Variants in DCSTAMP observed in about 807,000 individuals in gnomAD.
The protein encoded by DCSTAMP is dendrocyte expressed seven transmembrane protein.
A neutral mutation model predicts 33.8 loss-of-function variants in DCSTAMP; 25 were observed. That is an observed-to-expected ratio of 0.74 (90% CI 0.54 to 1.03). The LOEUF is 1.03. DCSTAMP is among the 50% of genes least tolerant of loss of function. The pLI, the probability that DCSTAMP is intolerant of heterozygous loss-of-function variation, is 0.00. For missense variants in DCSTAMP, 531 were observed against 556.8 expected (o/e 0.95, Z 0.47); for synonymous variants, 245 against 216.7 (o/e 1.13, Z -1.15).
chr8:104,349,304 T>C lies in DCSTAMP; in HGVS notation c.752T>C (p.Phe251Ser), dbSNP rs79659609. 1 of 1,614,150 alleles carries C rather than the reference T, an allele frequency of 6.2e-7. No homozygotes were observed. Among genetic ancestry groups the C allele is most frequent in the East Asian group, 2.2e-5 (1 of 44,866 alleles). The change falls in exon 2 of 4, where the codon TTT (phenylalanine) becomes TCT (serine). Residue 251 changes from phenylalanine (F) to serine (S), a missense_variant. Coordinates refer to ENST00000297581, the MANE Select transcript of DCSTAMP (RefSeq NM_030788.4). ...KYENIYITRQ[F>S]VQFDERERHQ... The stretch of plus-strand genomic sequence containing the variant: ...GAAAACATCTACATCACCAGACAAT[T>C]TGTTCAGTTTGATGAAAGGGAGAGA...
chr8:104,343,630 A>T (rs1191452853), intron 1 of DCSTAMP, among the ~76,000 whole-genome samples: 1 of 152,244 alleles, frequency 6.6e-6, no homozygotes, highest in Non-Finnish European at 1.5e-5. Context: ...AGGAAAATGT[A>T]ACTGCCTCAC....
rs760055630 is a variant in DCSTAMP, at chr8:104,349,379, A to G, written c.827A>G (p.Lys276Arg). The change falls in exon 2 of 4, where the codon AAG becomes AGG. Residue 276 changes from lysine to arginine, a missense_variant. By Grantham distance (26) the Lys-to-Arg change is conservative. Coordinates refer to ENST00000297581, the MANE Select transcript of DCSTAMP (RefSeq NM_030788.4). ...CCGCTGAATAAGGAGGAAAGGAGGA[A>G]GTATGTCATCATCCCGACTTTCTGG... ...VLPLNKEERR[K>R]YVIIPTFWPT... 1.9e-6 allele frequency: 3 copies of G among 1,614,094 alleles called. No individual in the cohort carries two copies. Among genetic ancestry groups the G allele is most frequent in the Non-Finnish European group, 2.5e-6 (3 of 1,180,054 alleles).
chr8:104,352,266 C>CT (rs1332045676), intron 2 of DCSTAMP, among the ~76,000 whole-genome samples: 3 of 152,344 alleles, frequency 2.0e-5, no homozygotes, highest in Non-Finnish European at 4.4e-5. Flanking sequence ...GCCTGGGCTG[C>CT]TTCTCAGAGT....
At position 104,356,339 on chromosome 8, in the gene DCSTAMP, C is replaced by A; in HGVS notation, c.*141C>A. On this transcript the variant is annotated 3_prime_UTR_variant, in exon 4 of 4. Coordinates refer to ENST00000297581, the MANE Select transcript of DCSTAMP (RefSeq NM_030788.4). ...CTGAGTTTACAGAGCCAACTTGCAGCACCTGGTTATGCCTCCTTTCATCTC... is the reference window on the plus strand; with the variant it reads ...CTGAGTTTACAGAGCCAACTTGCAGAACCTGGTTATGCCTCCTTTCATCTC... The A allele has an allele frequency of 1.5e-6, 1 of 687,780 alleles. No individual in the cohort carries two copies. The highest frequency in any genetic ancestry group is 2.2e-6 in the Non-Finnish European group (1 of 453,658). 42.6% of individuals were successfully genotyped at this position (687,780 alleles called of 1,614,324 possible). A position where few individuals can be genotyped will look rare whatever the true frequency, so the allele number is the denominator to read the frequency against.
At position 104,350,122 on chromosome 8, in the gene DCSTAMP, C is replaced by T. The variant is rs576654264; in HGVS notation, c.1029+541C>T. ...AATTTCTCTATCTCAAGATCTTTGA[C>T]TTAATAACATTTGCAAAGATCCTTT... On this transcript the variant is annotated intron_variant, in intron 2 of 3. Transcript: ENST00000297581. Among the ~76,000 whole-genome samples, 5 of 152,306 alleles carry T rather than the reference C, an allele frequency of 3.3e-5. No homozygotes were observed. The East Asian group carries it at 9.6e-4, about 29-fold the overall frequency.
Position 104,349,395 on chromosome 8 carries a change from G to C in DCSTAMP, c.843G>C (p.Pro281=). 1 of 1,614,176 alleles carries C rather than the reference G, an allele frequency of 6.2e-7. No homozygotes were observed. The highest frequency in any genetic ancestry group is 2.2e-5 in the East Asian group (1 of 44,872). ...AAAGGAGGAAGTATGTCATCATCCC[G>C]ACTTTCTGGCCGACTCCTAAAGAAA... ...KEERRKYVII[P]TFWPTPKERK... The change falls in exon 2 of 4, where the codon CCG becomes CCC. Residue 281 remains proline, a synonymous_variant. Coordinates refer to ENST00000297581, the MANE Select transcript of DCSTAMP (RefSeq NM_030788.4).
intron 1 of DCSTAMP, among the ~76,000 whole-genome samples, chr8:104,348,224 TAACAC>T (rs1178904785): frequency 1.3e-5 from 2 of 152,228 alleles, no homozygotes; most frequent in Non-Finnish European, 2.9e-5. Context: ...CAGCTGGACT[TAACAC>T]AGCAGGAGCA....
chr8:104,345,253 G>T (rs1810273587), intron 1 of DCSTAMP, among the ~76,000 whole-genome samples: 1 of 152,112 alleles, frequency 6.6e-6, no homozygotes, highest in Admixed American at 6.6e-5. Flanking sequence ...GCTTGCTAAG[G>T]TTCCCCTCAT....
At chr8:104,350,118 T>C (rs1413040772) in intron 2 of DCSTAMP, among the ~76,000 whole-genome samples, 1 of 152,238 alleles carries the variant, frequency 6.6e-6, no homozygotes, top group African/African-American at 2.4e-5. Context: ...CTCAAGATCT[T>C]TGACTTAATA....
rs1328562727 is a variant in DCSTAMP at position 104,339,831 on chromosome 8, T to G, written c.-44T>G. Reference sequence around the variant, plus strand: ...ACCTACAGCCCTTGGGAAGTGCATTTCTGCATTCGAAGAAGAATCTGAGAG... The same window carrying G: ...ACCTACAGCCCTTGGGAAGTGCATTGCTGCATTCGAAGAAGAATCTGAGAG... On this transcript the variant is annotated 5_prime_UTR_variant, in exon 1 of 4. Transcript: ENST00000297581. The G allele has an allele frequency of 1.3e-5, 2 of 152,228 alleles. No homozygotes were observed. Among genetic ancestry groups the G allele is most frequent in the African/African-American group, 4.8e-5 (2 of 41,450 alleles). 9.4% of individuals were successfully genotyped at this position (152,228 alleles called of 1,614,324 possible). A position where few individuals can be genotyped will look rare whatever the true frequency, so the allele number is the denominator to read the frequency against.
chr8:104,351,478 T>C (rs567942968), intron 2 of DCSTAMP, among the ~76,000 whole-genome samples: 3 of 152,286 alleles, frequency 2.0e-5, no homozygotes, highest in African/African-American at 4.8e-5. Context: ...GAAAGCAAGT[T>C]TATTAGAACA....
At chr8:104,342,816 G>A (rs1326717750) in intron 1 of DCSTAMP, among the ~76,000 whole-genome samples, 1 of 152,228 alleles carries the variant, frequency 6.6e-6, no homozygotes, top group Non-Finnish European at 1.5e-5. Flanking sequence ...AGACCAGGAT[G>A]GGCCTGCGTC....
chr8:104,351,526 A>G (rs1810463344), intron 2 of DCSTAMP, among the ~76,000 whole-genome samples: 1 of 152,186 alleles, frequency 6.6e-6, no homozygotes, highest in Non-Finnish European at 1.5e-5. Flanking sequence ...GCAGAGAAAG[A>G]CTATCGCATA....
intron 1 of DCSTAMP, among the ~76,000 whole-genome samples, chr8:104,345,766 G>C (rs1298857532): frequency 6.6e-6 from 1 of 152,176 alleles, no homozygotes; most frequent in African/African-American, 2.4e-5. Flanking sequence ...CCTCATAAAG[G>C]AAATTAGAAA....
chr8:104,349,736 T>C (rs115651990), intron 2 of DCSTAMP, among the ~76,000 whole-genome samples, 155 bp downstream of exon 2: 1,673 of 152,304 alleles, frequency 0.011, 21 homozygotes, highest in African/African-American at 0.037. Context: ...AACCCAACAA[T>C]TGCAGGTCAA....
At chr8:104,349,698 C>T (rs1810413136) in intron 2 of DCSTAMP, 117 bp downstream of exon 2, 1 of 1,168,696 alleles carries the variant, frequency 8.6e-7, no homozygotes, top group Non-Finnish European at 1.2e-6. Flanking sequence ...ATCCTTGGTG[C>T]CCAGCATAGT....
Position 104,349,434 on chromosome 8 carries a change from G to A in DCSTAMP, c.882G>A (p.Gly294=). The change falls in exon 2 of 4, where the codon GGG becomes GGA. Residue 294 remains glycine (G), a synonymous_variant. Transcript: ENST00000297581. ...CTCCTAAAGAAAGGAAAAACCTGGGGCTGTTTTTCCTCCCCATACTTATCC... is the reference window on the plus strand; with the variant it reads ...CTCCTAAAGAAAGGAAAAACCTGGGACTGTTTTTCCTCCCCATACTTATCC... ...WPTPKERKNL[G]LFFLPILIHL... 6.2e-7 allele frequency: 1 copy of A among 1,614,182 alleles called. No individual in the cohort carries two copies. The highest frequency in any genetic ancestry group is 8.5e-7 in the Non-Finnish European group (1 of 1,180,030).
At chr8:104,351,593 G>A (rs79012696) in intron 2 of DCSTAMP, among the ~76,000 whole-genome samples, 1,675 of 152,266 alleles carry the variant, frequency 0.011, 25 homozygotes, top group African/African-American at 0.037. Flanking sequence ...TTTATACCTA[G>A]TCTTAATTTT....
In DCSTAMP at chr8:104,355,025, T is replaced by C; in HGVS notation, c.1178T>C (p.Leu393Ser). The C allele has an allele frequency of 6.2e-7, 1 of 1,614,172 alleles. No homozygotes were observed. The highest frequency in any genetic ancestry group is 1.1e-5 in the South Asian group (1 of 91,084). The change falls in exon 3 of 4, where the codon TTG becomes TCG. Residue 393 changes from leucine (L) to serine (S), a missense_variant. Transcript: ENST00000297581. ...ILLILVMLGLLSSILMQLKIL... is the reference protein window; with the variant it reads ...ILLILVMLGLSSSILMQLKIL... ...TTGATATTAGTGATGCTGGGACTGT[T>C]GTCCTCTATCCTTATGCAACTTAAA...
Sources: gnomAD v4.1 joint callset for allele counts (sites outside exome capture counted in the v4.1 genomes callset) on GRCh38, gnomAD v4.1.1 for gene constraint, MANE v1.5 for transcripts, NCBI Gene and HGNC (gene_info 2026-07-23, HGNC 2026-07-21) for gene names.